Variants in ROBO2 observed in about 807,000 individuals in gnomAD.
The protein encoded by ROBO2 is roundabout guidance receptor 2.
ROBO2 carries 53 observed loss-of-function variants against 160.8 expected under a neutral mutation model. The ratio of observed to expected loss-of-function variants is 0.33; its 90% CI spans 0.26 to 0.41. The LOEUF (loss-of-function observed/expected upper bound fraction) is 0.41. ROBO2 is among the 10% of genes least tolerant of loss of function. ROBO2 has a pLI of 1.00. For synonymous variants in ROBO2, 664 were observed against 611.7 expected (o/e 1.09, Z -1.26); for missense variants, 1,577 against 1,722.4 (o/e 0.92, Z 1.49).
At position 76,100,671 on chromosome 3, in the gene ROBO2, G is replaced by A. The variant is rs185646481; in HGVS notation, c.109+163069G>A. On this transcript the variant is annotated intron_variant, in intron 2 of 26. Coordinates refer to the ROBO2 transcript ENST00000487694. ...AAATATGCACTGAAGCCATTACTATGTTATACAAAGATGACTCTTTCTAGG... is the reference window on the plus strand; with the variant it reads ...AAATATGCACTGAAGCCATTACTATATTATACAAAGATGACTCTTTCTAGG... 5.5e-4 allele frequency among the ~76,000 whole-genome samples: 84 copies of A among 151,830 alleles called. 2 individuals carry two copies. Among genetic ancestry groups the A allele is most frequent in the Middle Eastern group, 3.4e-3 (1 of 292 alleles).
Position 77,504,931 on chromosome 3 carries a change from G to T in ROBO2, c.806+11549G>T, listed in dbSNP as rs574603491. Among the ~76,000 whole-genome samples the T allele has an allele frequency of 1.4e-4, 21 of 152,286 alleles. No individual in the cohort carries two copies. The East Asian group carries it at 4.1e-3, about 29-fold the overall frequency. ...GAAAGGGAAAATTGAATTTTCATAA[G>T]TGGAATAGCAATGGCTATTTCAAAA... is the stretch of plus-strand genomic sequence containing the variant. On this transcript the variant is annotated intron_variant, in intron 5 of 25. Coordinates refer to ENST00000461745, the Ensembl canonical transcript of ROBO2.
At chr3:77,138,889 A>G (rs537889860) in intron 2 of ROBO2, among the ~76,000 whole-genome samples, 3 of 152,226 alleles carry the variant, frequency 2.0e-5, no homozygotes, top group African/African-American at 7.2e-5. Context: ...ATGAGATTGG[A>G]AGTGTCTAGC....
chr3:76,082,167 C>G (rs898439637), intron 2 of ROBO2, among the ~76,000 whole-genome samples: 1 of 152,050 alleles, frequency 6.6e-6, no homozygotes, highest in Non-Finnish European at 1.5e-5. Context: ...AAATTTCAAT[C>G]CATTGTGTTA....
At chr3:76,320,841 T>C (rs1030716977) in intron 2 of ROBO2, among the ~76,000 whole-genome samples, 5 of 152,200 alleles carry the variant, frequency 3.3e-5, no homozygotes, top group African/African-American at 1.2e-4. Flanking sequence ...ATGAAGATCT[T>C]TACTGATTGC....
At chr3:76,589,750 T>C (rs1466481687) in intron 2 of ROBO2, among the ~76,000 whole-genome samples, 1 of 152,160 alleles carries the variant, frequency 6.6e-6, no homozygotes, top group African/African-American at 2.4e-5. Flanking sequence ...CTCTATTCAG[T>C]AATAAATCCA....
At chr3:77,414,486 G>A (rs926553307) in intron 2 of ROBO2, among the ~76,000 whole-genome samples, 14 of 152,198 alleles carry the variant, frequency 9.2e-5, no homozygotes, top group East Asian at 1.9e-4. Flanking sequence ...AAGGAAAAGC[G>A]TGTCCATATG....
chr3:76,937,171 T>A (rs2077760180), intron 2 of ROBO2, among the ~76,000 whole-genome samples: 1 of 152,218 alleles, frequency 6.6e-6, no homozygotes, highest in Non-Finnish European at 1.5e-5. Context: ...TAAAACTTAG[T>A]GGCATCTAAA....
chr3:77,006,305 T>TTGTGTGTGTGTG (rs60754546), intron 2 of ROBO2, among the ~76,000 whole-genome samples: 3,324 of 143,906 alleles, frequency 0.023, 55 homozygotes, highest in Non-Finnish European at 0.026. Flanking sequence ...ATTTTAATAT[T>TTGTGTGTGTGTG]TGTGTGTGTG....
chr3:77,479,999 C>T (rs1048046457), intron 3 of ROBO2, among the ~76,000 whole-genome samples: 3 of 152,132 alleles, frequency 2.0e-5, no homozygotes, highest in Non-Finnish European at 4.4e-5. Context: ...TTACCTAGCT[C>T]TCAGCTTCAA....
At chr3:76,180,160 A>T (rs1701436652) in intron 2 of ROBO2, among the ~76,000 whole-genome samples, 1 of 152,152 alleles carries the variant, frequency 6.6e-6, no homozygotes, top group Non-Finnish European at 1.5e-5. Flanking sequence ...ACAAGTTCAG[A>T]ATTAATCAGT....
At chr3:77,568,717 G>A (rs192649561) in intron 13 of ROBO2, among the ~76,000 whole-genome samples, 90 of 152,046 alleles carry the variant, frequency 5.9e-4, no homozygotes, top group African/African-American at 1.9e-3. Context: ...ATGATTTTTA[G>A]TGTATTTAGA....
In ROBO2 at chr3:76,241,149, G is replaced by A. The variant is rs191915594; in HGVS notation, c.109+303547G>A. On this transcript the variant is annotated intron_variant, in intron 2 of 26. Coordinates refer to the ROBO2 transcript ENST00000487694. Reference sequence around the variant, plus strand: ...TAGCGTGGTTATCTGTGATAAAAGCGTATTTCTATTCCCCACTCACAGGTA... The same window carrying A: ...TAGCGTGGTTATCTGTGATAAAAGCATATTTCTATTCCCCACTCACAGGTA... 7.2e-4 allele frequency among the ~76,000 whole-genome samples: 109 copies of A among 152,208 alleles called. 1 individual carries two copies. Among genetic ancestry groups the A allele is most frequent in the Non-Finnish European group, 1.2e-3 (79 of 68,006 alleles).
chr3:77,108,770 G>C (rs1269969475), intron 2 of ROBO2, among the ~76,000 whole-genome samples: 1 of 152,186 alleles, frequency 6.6e-6, no homozygotes, highest in Non-Finnish European at 1.5e-5. Context: ...TGCTTGGCCA[G>C]ATTTCGAGCA....
chr3:76,564,570 A>C (rs1009994717), intron 2 of ROBO2, among the ~76,000 whole-genome samples: 7 of 152,196 alleles, frequency 4.6e-5, no homozygotes, highest in African/African-American at 1.7e-4. Context: ...TGTCAGTCAG[A>C]GAGCAGGAAG....
intron 2 of ROBO2, among the ~76,000 whole-genome samples, chr3:77,153,330 A>G (rs771757656): frequency 2.6e-5 from 4 of 152,066 alleles, no homozygotes; most frequent in Non-Finnish European, 5.9e-5. Flanking sequence ...GATGGATTGT[A>G]TCTTTCTTAG....
In ROBO2 at chr3:76,041,917, T is replaced by C. The variant is rs528371681; in HGVS notation, c.109+104315T>C. Among the ~76,000 whole-genome samples the C allele has an allele frequency of 1.3e-3, 194 of 151,934 alleles. 1 individual carries two copies. The highest frequency in any genetic ancestry group is 2.2e-3 in the Non-Finnish European group (148 of 68,010). ...AAGTTTAAAAGATGTCCTGTTTCTC[T>C]TGATCATCGGAAATCTCAGAACTGA... On this transcript the variant is annotated intron_variant, in intron 2 of 26. Coordinates refer to the ROBO2 transcript ENST00000487694.
intron 2 of ROBO2, among the ~76,000 whole-genome samples, chr3:75,999,156 A>G (rs1177751759): frequency 1.3e-5 from 2 of 152,182 alleles, no homozygotes; most frequent in African/African-American, 4.8e-5. Context: ...TGATTGTTTT[A>G]AAGACAAAAT....
At chr3:77,236,527 A>G (rs1357383575) in intron 2 of ROBO2, among the ~76,000 whole-genome samples, 5 of 152,202 alleles carry the variant, frequency 3.3e-5, no homozygotes, top group Admixed American at 6.5e-5. Flanking sequence ...GAAGGGGTCC[A>G]ACCAGATGGT....
At chr3:76,141,188 T>TA (rs2071653554) in intron 2 of ROBO2, among the ~76,000 whole-genome samples, 11 of 107,110 alleles carry the variant, frequency 1.0e-4, no homozygotes, top group South Asian at 6.0e-4. Flanking sequence ...TATATATATA[T>TA]TTAATGTCTG....
Sources: allele counts gnomAD v4.1 joint callset (sites outside exome capture counted in the v4.1 genomes callset), GRCh38; gene constraint gnomAD v4.1.1; transcripts MANE v1.5; gene names NCBI Gene and HGNC (gene_info 2026-07-23, HGNC 2026-07-21).